The following NRG3 variants were observed in gnomAD, a reference collection of about 807,000 sequenced individuals.
The protein encoded by NRG3 is pro-neuregulin-3, membrane-bound isoform.
A neutral mutation model predicts 66.9 loss-of-function variants in NRG3; 31 were observed. The ratio of observed to expected loss-of-function variants is 0.46; its 90% CI spans 0.35 to 0.63. NRG3 has a LOEUF of 0.63. NRG3 is among the 20% of genes least tolerant of loss of function. NRG3 has a pLI of 0.00. For synonymous variants in NRG3, 393 were observed against 359.4 expected, an observed-to-expected ratio of 1.09 and a Z score of -1.06; for missense variants, 910 against 878.9, an observed-to-expected ratio of 1.04 and a Z score of -0.45.
chr10:82,378,840 G>A (rs2085429924), intron 2 of NRG3, among the ~76,000 whole-genome samples: 1 of 152,006 alleles, frequency 6.6e-6, no homozygotes, highest in South Asian at 2.1e-4. Flanking sequence ...CAAAGTGCTG[G>A]GATTACAGGC....
At chr10:81,992,748 C>T (rs558267291) in intron 1 of NRG3, among the ~76,000 whole-genome samples, 1 of 152,234 alleles carries the variant, frequency 6.6e-6, no homozygotes, top group Admixed American at 6.5e-5. Flanking sequence ...GGCTCTCTCA[C>T]ACCATTGTCA....
intron 2 of NRG3, among the ~76,000 whole-genome samples, chr10:82,576,722 A>G (rs1401058257): frequency 1.3e-5 from 2 of 151,784 alleles, no homozygotes; most frequent in African/African-American, 4.8e-5. Context: ...ATTGCTGAAA[A>G]TTCTAACCCC....
At chr10:82,252,825 G>T (rs887036882) in intron 1 of NRG3, among the ~76,000 whole-genome samples, 1 of 152,074 alleles carries the variant, frequency 6.6e-6, no homozygotes, top group Non-Finnish European at 1.5e-5. Context: ...GCTCCAGCTT[G>T]CTCCATTGAG....
chr10:82,714,394 CTG>C, intron 2 of NRG3, among the ~76,000 whole-genome samples: 1 of 152,318 alleles, frequency 6.6e-6, no homozygotes, highest in South Asian at 2.1e-4. Context: ...GAAAGCAGCT[CTG>C]TTTCAGCAAC....
chr10:82,609,618 G>GA (rs1006284905), intron 2 of NRG3, among the ~76,000 whole-genome samples: 34 of 149,162 alleles, frequency 2.3e-4, no homozygotes, highest in East Asian at 3.9e-4. Context: ...GAGAAAATTG[G>GA]AAAAAAAAAT....
intron 2 of NRG3, among the ~76,000 whole-genome samples, chr10:82,633,876 AT>A (rs2133751510): frequency 6.6e-6 from 1 of 152,264 alleles, no homozygotes; most frequent in Admixed American, 6.5e-5. Context: ...AGCCAAATAC[AT>A]TTGGTAAGTG....
intron 2 of NRG3, among the ~76,000 whole-genome samples, chr10:82,509,387 A>G (rs1844967879): frequency 6.6e-6 from 1 of 152,178 alleles, no homozygotes. Flanking sequence ...AAAAGTATCT[A>G]GGTCTACATT....
chr10:82,578,303 T>G (rs2046152919), intron 2 of NRG3, among the ~76,000 whole-genome samples: 1 of 121,594 alleles, frequency 8.2e-6, no homozygotes, highest in Non-Finnish European at 1.8e-5. Flanking sequence ...TCAATGAAAC[T>G]CAAGTTTCTC....
chr10:81,933,821 CAT>C (rs1464802011), intron 1 of NRG3, among the ~76,000 whole-genome samples: 3 of 152,006 alleles, frequency 2.0e-5, no homozygotes, highest in African/African-American at 7.2e-5. Flanking sequence ...ATGATGTTGG[CAT>C]ATATGAATTA....
chr10:81,911,956 G>A (rs1845211823), intron 1 of NRG3, among the ~76,000 whole-genome samples: 1 of 152,006 alleles, frequency 6.6e-6, no homozygotes, highest in Non-Finnish European at 1.5e-5. Context: ...AACGTACTAT[G>A]AGAGTAATAA....
chr10:82,109,462 T>C lies in NRG3; in HGVS notation c.823+233299T>C, dbSNP rs116963759. ...AGATGAAAGCAGATTATTATTCCAA[T>C]TTTATAGTTAAAGATTCCAAGGTTT... is the stretch of plus-strand genomic sequence containing the variant. On this transcript the variant is annotated intron_variant, in intron 1 of 8. Coordinates refer to ENST00000372141, the MANE Select transcript of NRG3 (RefSeq NM_001010848.4). Among the ~76,000 whole-genome samples the C allele has an allele frequency of 3.3e-5, 5 of 152,202 alleles. No homozygotes were observed. The East Asian group carries it at 9.7e-4, about 29-fold the overall frequency.
intron 3 of NRG3, among the ~76,000 whole-genome samples, chr10:82,817,976 A>G (rs1237216928): frequency 6.6e-6 from 1 of 152,228 alleles, no homozygotes; most frequent in African/African-American, 2.4e-5. Context: ...CGGTGGAAGA[A>G]AGCAGCTTTA....
intron 4 of NRG3, among the ~76,000 whole-genome samples, chr10:82,903,270 T>C (rs1039435320): frequency 6.6e-6 from 1 of 152,186 alleles, no homozygotes; most frequent in African/African-American, 2.4e-5. Context: ...GCGTGTTTGC[T>C]TAAAATACGT....
At chr10:82,329,635 CTAAATTT>C (rs1307707690) in intron 1 of NRG3, among the ~76,000 whole-genome samples, 1 of 152,030 alleles carries the variant, frequency 6.6e-6, no homozygotes, top group Non-Finnish European at 1.5e-5. Flanking sequence ...AAGAATGAGA[CTAAATTT>C]ATTGGCCACA....
chr10:82,288,922 AT>A, intron 1 of NRG3, among the ~76,000 whole-genome samples: 1 of 152,336 alleles, frequency 6.6e-6, no homozygotes, highest in African/African-American at 2.4e-5. Context: ...TCACTTTAGC[AT>A]TAATAGACAT....
intron 1 of NRG3, among the ~76,000 whole-genome samples, chr10:82,133,256 A>G (rs1314096779): frequency 6.6e-6 from 1 of 151,844 alleles, no homozygotes; most frequent in Non-Finnish European, 1.5e-5. Context: ...TAACATTGTT[A>G]TTTTGAAAAA....
At chr10:82,396,285 T>G (rs923692156) in intron 2 of NRG3, among the ~76,000 whole-genome samples, 2 of 152,214 alleles carry the variant, frequency 1.3e-5, no homozygotes, top group African/African-American at 4.8e-5. Flanking sequence ...ATCAATAACT[T>G]TCCCTTTACT....
chr10:81,906,863 T>C (rs1844650752), intron 1 of NRG3, among the ~76,000 whole-genome samples: 1 of 152,150 alleles, frequency 6.6e-6, no homozygotes. Context: ...TGAGGAGTTC[T>C]GATTTCAAAG....
chr10:82,736,358 G>A (rs2058153227), intron 2 of NRG3, among the ~76,000 whole-genome samples: 1 of 151,936 alleles, frequency 6.6e-6, no homozygotes. Flanking sequence ...ATTTGGATGA[G>A]TGTGAACTTA....
Sources: gnomAD v4.1 joint callset for allele counts (sites outside exome capture counted in the v4.1 genomes callset) on GRCh38, gnomAD v4.1.1 for gene constraint, MANE v1.5 for transcripts, NCBI Gene and HGNC (gene_info 2026-07-23, HGNC 2026-07-21) for gene names.